Variants in FER observed in about 807,000 individuals in gnomAD.
FER encodes tyrosine-protein kinase Fer.
Under a neutral mutation model 111.0 loss-of-function variants are expected in FER, and 63 were observed. The ratio of observed to expected loss-of-function variants is 0.57; its 90% CI spans 0.46 to 0.70. The LOEUF (loss-of-function observed/expected upper bound fraction) is 0.70. Ranked by LOEUF, FER falls within the 30% of genes least tolerant of loss-of-function variation. FER has a pLI of 0.00. For synonymous variants in FER, 327 were observed against 313.9 expected, an observed-to-expected ratio of 1.04 and a Z score of -0.44; for missense variants, 914 against 954.0, an observed-to-expected ratio of 0.96 and a Z score of 0.55.
At chr5:109,127,734 AT>A (rs1751900593) in intron 17 of FER, among the ~76,000 whole-genome samples, 1 of 152,098 alleles carries the variant, frequency 6.6e-6, no homozygotes, top group Non-Finnish European at 1.5e-5. Context: ...TTAGAAAAAT[AT>A]TACTAATTAA....
intron 2 of FER, among the ~76,000 whole-genome samples, chr5:108,775,184 C>T (rs1434326278): frequency 6.6e-6 from 1 of 152,106 alleles, no homozygotes; most frequent in African/African-American, 2.4e-5. Flanking sequence ...TCAGGTTTGT[C>T]AAGGATCAGT....
intron 1 of FER, among the ~76,000 whole-genome samples, chr5:108,757,129 T>C (rs1264645890): frequency 6.6e-6 from 1 of 152,336 alleles, no homozygotes; most frequent in Admixed American, 6.5e-5. Context: ...ATGTAAATGG[T>C]AAAAGTCTGT....
At chr5:109,052,212 G>C in intron 16 of FER, 1 of 1,606,712 alleles carries the variant, frequency 6.2e-7, no homozygotes, top group African/African-American at 1.3e-5. Flanking sequence ...ACACAAATAT[G>C]ATCTGCAGGA....
At position 109,037,493 on chromosome 5, in the gene FER, G is replaced by A. The variant is rs948376669; in HGVS notation, c.1713+15G>A. The A allele has an allele frequency of 1.2e-6, 2 of 1,605,816 alleles. No individual in the cohort carries two copies. The highest frequency in any genetic ancestry group is 3.3e-5 in the Admixed American group (2 of 59,726). On this transcript the variant is annotated intron_variant, in intron 14 of 19. Transcript: ENST00000281092. ...TACTGGGCAAGGTATGTAATCAACT[G>A]AGCTAAATAACCAGAAGTCTCTATA...
At chr5:109,136,465 A>C (rs189699921) in intron 17 of FER, among the ~76,000 whole-genome samples, 91 of 152,290 alleles carry the variant, frequency 6.0e-4, no homozygotes, top group African/African-American at 1.9e-3. Context: ...GGTAGCACAT[A>C]AATATCATAT....
intron 17 of FER, among the ~76,000 whole-genome samples, chr5:109,111,933 A>G (rs1314573999): frequency 2.0e-5 from 3 of 152,162 alleles, no homozygotes; most frequent in African/African-American, 7.2e-5. Context: ...TAGAATGGTT[A>G]CTGTTTGTGG....
intron 4 of FER, among the ~76,000 whole-genome samples, chr5:108,834,406 A>G (rs989789726): frequency 2.0e-5 from 3 of 152,132 alleles, no homozygotes; most frequent in African/African-American, 7.2e-5. Flanking sequence ...ATCTATTAAA[A>G]AAGTTTTCTG....
At chr5:108,769,452 A>G (rs564129797) in intron 2 of FER, among the ~76,000 whole-genome samples, 1 of 152,216 alleles carries the variant, frequency 6.6e-6, no homozygotes, top group Non-Finnish European at 1.5e-5. Flanking sequence ...GAGATTATAG[A>G]AATATTTAGG....
intron 16 of FER, chr5:109,051,516 T>A: frequency 6.3e-7 from 1 of 1,599,704 alleles, no homozygotes; most frequent in Admixed American, 1.7e-5. Flanking sequence ...GATTTTGTTC[T>A]GCACTGTAAT....
chr5:109,051,732 C>T (rs1278821903), intron 16 of FER: 11 of 1,569,896 alleles, frequency 7.0e-6, no homozygotes, highest in East Asian at 2.2e-5. Context: ...AAGGGTCGCT[C>T]TTTCCCTTAA....
intron 14 of FER, among the ~76,000 whole-genome samples, chr5:109,040,449 G>A (rs1237908163): frequency 6.6e-6 from 1 of 152,066 alleles, no homozygotes; most frequent in Admixed American, 6.6e-5. Flanking sequence ...GACAAGAAGA[G>A]AAAGTATATA....
chr5:109,170,779 G>GTT (rs747071596), intron 17 of FER, among the ~76,000 whole-genome samples: 81 of 152,284 alleles, frequency 5.3e-4, no homozygotes, highest in Non-Finnish European at 7.6e-4. Flanking sequence ...CCCTCTGAGT[G>GTT]TGACTTGCAT....
chr5:109,132,836 T>C (rs1005746382), intron 17 of FER, among the ~76,000 whole-genome samples: 9 of 152,140 alleles, frequency 5.9e-5, no homozygotes, highest in Admixed American at 2.6e-4. Flanking sequence ...CTGATGGGAA[T>C]TGAGGATAGA....
chr5:108,913,878 G>A (rs1751893091), intron 10 of FER, among the ~76,000 whole-genome samples: 1 of 152,128 alleles, frequency 6.6e-6, no homozygotes, highest in African/African-American at 2.4e-5. Flanking sequence ...CAAAAATAAT[G>A]CTAAGTGAAA....
intron 2 of FER, among the ~76,000 whole-genome samples, chr5:108,781,005 TTCTG>T (rs1305969956): frequency 1.3e-5 from 2 of 152,206 alleles, no homozygotes; most frequent in African/African-American, 2.4e-5. Context: ...TTCTTTTTGG[TTCTG>T]TCTTAGAATT....
At chr5:108,988,582 A>G (rs1476944792) in intron 13 of FER, among the ~76,000 whole-genome samples, 3 of 152,104 alleles carry the variant, frequency 2.0e-5, no homozygotes, top group Non-Finnish European at 4.4e-5. Flanking sequence ...AAAGGTGTTC[A>G]TAGTAGCCTT....
rs555835657 is a variant in FER at position 108,881,862 on chromosome 5, A to C, written c.924-1534A>C. ...CCTCCTAGAGGCTCCATCTCCAGAT[A>C]CCATTATATTGGGGGTTAGGGCCCC... On this transcript the variant is annotated intron_variant, in intron 8 of 19. Transcript: ENST00000281092. 3.3e-5 allele frequency among the ~76,000 whole-genome samples: 5 copies of C among 152,202 alleles called. No homozygotes were observed. In the East Asian group the frequency reaches 7.7e-4, roughly 24 times the overall value.
At chr5:108,907,238 A>T in intron 10 of FER, among the ~76,000 whole-genome samples, 1 of 149,924 alleles carries the variant, frequency 6.7e-6, no homozygotes. Flanking sequence ...TGTCTCTTCC[A>T]CCTTTTTCCT....
chr5:108,951,016 A>C (rs969330887), intron 11 of FER, among the ~76,000 whole-genome samples: 29 of 152,102 alleles, frequency 1.9e-4, no homozygotes, highest in African/African-American at 6.8e-4. Context: ...CACACCTGTA[A>C]TCTCAGCACT....
Sources: gnomAD v4.1 joint callset for allele counts (sites outside exome capture counted in the v4.1 genomes callset) on GRCh38, gnomAD v4.1.1 for gene constraint, MANE v1.5 for transcripts, NCBI Gene and HGNC (gene_info 2026-07-23, HGNC 2026-07-21) for gene names.